Variants in WDFY4 observed in about 807,000 individuals in gnomAD.
WDFY4 encodes the protein WD repeat- and FYVE domain-containing protein 4.
Under a neutral mutation model 351.9 loss-of-function variants are expected in WDFY4, and 169 were observed. The observed-to-expected ratio is 0.48, with a 90% CI of 0.42 to 0.55. The LOEUF (loss-of-function observed/expected upper bound fraction) is 0.55. Ranked by LOEUF, WDFY4 falls within the 20% of genes least tolerant of loss-of-function variation. WDFY4 has a pLI of 0.00. For missense variants in WDFY4, 3,803 were observed against 3,935.6 expected, an observed-to-expected ratio of 0.97 and a Z score of 0.90; for synonymous variants, 1,622 against 1,574.6, an observed-to-expected ratio of 1.03 and a Z score of -0.71.
chr10:48,956,536 C>T (rs1234777786), intron 51 of WDFY4, among the ~76,000 whole-genome samples: 1 of 152,194 alleles, frequency 6.6e-6, no homozygotes, highest in African/African-American at 2.4e-5. Flanking sequence ...GCTTCTTGCT[C>T]TCCTGCCACC....
At chr10:48,747,881 T>G (rs758920382) in intron 12 of WDFY4, among the ~76,000 whole-genome samples, 7 of 152,366 alleles carry the variant, frequency 4.6e-5, no homozygotes, top group Non-Finnish European at 1.0e-4. Context: ...TGCTCCAAGA[T>G]TTTCCTTTTC....
At chr10:48,809,120 G>A (rs1460292739) in intron 28 of WDFY4, among the ~76,000 whole-genome samples, 1 of 151,684 alleles carries the variant, frequency 6.6e-6, no homozygotes, top group Admixed American at 6.6e-5. Flanking sequence ...TGCTATTATG[G>A]CCATCTCTTT....
chr10:48,813,065 C>T (rs1271332602), intron 30 of WDFY4, among the ~76,000 whole-genome samples: 3 of 152,170 alleles, frequency 2.0e-5, no homozygotes, highest in Admixed American at 1.3e-4. Context: ...GTGCCTGCCT[C>T]CTTAGAAACT....
chr10:48,694,242 G>A (rs2063271876), intron 1 of WDFY4, among the ~76,000 whole-genome samples: 2 of 152,164 alleles, frequency 1.3e-5, no homozygotes, highest in Admixed American at 1.3e-4. Flanking sequence ...GCTGCTCAGA[G>A]TCTGGAGACA....
intron 43 of WDFY4, among the ~76,000 whole-genome samples, chr10:48,882,674 A>G (rs2070301344): frequency 6.6e-6 from 1 of 152,144 alleles, no homozygotes; most frequent in African/African-American, 2.4e-5. Context: ...ATAGTGAGAG[A>G]GGCAGCAAGA....
intron 57 of WDFY4, among the ~76,000 whole-genome samples, chr10:48,971,568 T>C (rs1842338516): frequency 6.6e-6 from 1 of 151,868 alleles, no homozygotes; most frequent in Non-Finnish European, 1.5e-5. Flanking sequence ...GTTCTCTGGA[T>C]AATTTTCACT....
At chr10:48,975,328 T>G (rs1297888927) in intron 58 of WDFY4, among the ~76,000 whole-genome samples, 1 of 152,092 alleles carries the variant, frequency 6.6e-6, no homozygotes, top group Non-Finnish European at 1.5e-5. Context: ...AGGGAGGGTT[T>G]TGTTGGATGT....
chr10:48,917,185 C>T (rs1838628998), intron 47 of WDFY4, among the ~76,000 whole-genome samples: 1 of 152,140 alleles, frequency 6.6e-6, no homozygotes, highest in Non-Finnish European at 1.5e-5. Context: ...TTGATGTTCA[C>T]ATAATGATGA....
intron 44 of WDFY4, among the ~76,000 whole-genome samples, chr10:48,893,240 C>T (rs533789228): frequency 6.6e-6 from 1 of 152,272 alleles, no homozygotes; most frequent in Admixed American, 6.5e-5. Context: ...CAAATTTTCC[C>T]TTTTTATAAG....
chr10:48,739,797 A>G (rs2064794263), intron 11 of WDFY4, among the ~76,000 whole-genome samples: 1 of 152,228 alleles, frequency 6.6e-6, no homozygotes, highest in Admixed American at 6.5e-5. Context: ...TAGGAATTAT[A>G]GGTGACAAAC....
rs1218000117 is a variant in WDFY4, at chr10:48,820,362, G to A, written c.5634G>A (p.Thr1878=). ...CCCGGAGGAAGCTGAGGGAGTTCAC[G>A]CAGCTCCTCTTGAGGGAGCTCCTGC... ...HPARRKLREF[T]QLLLRELLLG... Residue 1878 remains threonine, a synonymous_variant, in exon 33 of 62, where the codon ACG becomes ACA. Transcript: ENST00000325239. 3.8e-5 allele frequency: 59 copies of A among 1,551,484 alleles called. No homozygotes were observed. Among genetic ancestry groups the A allele is most frequent in the Non-Finnish European group, 5.0e-5 (57 of 1,147,010 alleles).
intron 55 of WDFY4, chr10:48,968,792 C>A (rs1187238889): frequency 4.4e-6 from 2 of 457,178 alleles, no homozygotes; most frequent in East Asian, 8.0e-5. Flanking sequence ...CTGGGGGTGG[C>A]TCCCAGAGTG....
intron 21 of WDFY4, among the ~76,000 whole-genome samples, chr10:48,789,259 C>T (rs577967510): frequency 1.3e-5 from 2 of 152,324 alleles, no homozygotes; most frequent in African/African-American, 4.8e-5. Flanking sequence ...GATGGGGATG[C>T]CATTAAATTT....
At chr10:48,757,524 A>G (rs939987672) in intron 12 of WDFY4, among the ~76,000 whole-genome samples, 1 of 152,008 alleles carries the variant, frequency 6.6e-6, no homozygotes, top group Non-Finnish European at 1.5e-5. Context: ...TAATGATGGC[A>G]TATAGCTTTG....
At position 48,946,094 on chromosome 10, in the gene WDFY4, G is replaced by A. The variant is rs1394495825; in HGVS notation, c.7804G>A (p.Ala2602Thr). ...IFRDLSKPMG[A>T]QTKERKLKFI... Reference sequence around the variant, plus strand: ...CCGGGATCTTTCAAAGCCCATGGGGGCTCAGACCAAGGAAAGGAAGCTGAA... The same window carrying A: ...CCGGGATCTTTCAAAGCCCATGGGGACTCAGACCAAGGAAAGGAAGCTGAA... The change falls in exon 50 of 62, where the codon GCT (alanine) becomes ACT (threonine). Residue 2602 changes from alanine to threonine, a missense_variant. Ala to Thr is a moderately conservative substitution (Grantham distance 58). Transcript: ENST00000325239. 7 of 1,549,176 alleles carry A rather than the reference G, an allele frequency of 4.5e-6. No homozygotes were observed. Among genetic ancestry groups the A allele is most frequent in the Middle Eastern group, 1.7e-4 (1 of 6,012 alleles).
At chr10:48,761,250 G>A (rs1167102422) in intron 13 of WDFY4, among the ~76,000 whole-genome samples, 1 of 152,180 alleles carries the variant, frequency 6.6e-6, no homozygotes, top group African/African-American at 2.4e-5. Context: ...GGATAATGGG[G>A]CATGCAGGCT....
intron 27 of WDFY4, among the ~76,000 whole-genome samples, chr10:48,806,869 GT>G: frequency 6.6e-6 from 1 of 152,306 alleles, no homozygotes; most frequent in Middle Eastern, 3.4e-3. Context: ...CTGTAGCCAC[GT>G]TTTAAGTGCT....
chr10:48,718,670 C>T (rs17011119), intron 2 of WDFY4, among the ~76,000 whole-genome samples: 7,979 of 152,296 alleles, frequency 0.052, 393 homozygotes, highest in African/African-American at 0.13. Flanking sequence ...GCAGTCCCTC[C>T]ACTCTGGCCA....
At chr10:48,787,112 C>T (rs1022969640) in intron 20 of WDFY4, among the ~76,000 whole-genome samples, 2 of 152,162 alleles carry the variant, frequency 1.3e-5, no homozygotes, top group African/African-American at 4.8e-5. Flanking sequence ...TGGGCAATAC[C>T]ATCAGCAAAG....
Sources: gnomAD v4.1 joint callset for allele counts (sites outside exome capture counted in the v4.1 genomes callset) on GRCh38, gnomAD v4.1.1 for gene constraint, MANE v1.5 for transcripts, NCBI Gene and HGNC (gene_info 2026-07-23, HGNC 2026-07-21) for gene names.